FBN2: variants seen among roughly 807,000 people sequenced by gnomAD.
FBN2 encodes fibrillin 2.
Under a neutral mutation model 355.6 loss-of-function variants are expected in FBN2, and 105 were observed. That is an observed-to-expected ratio of 0.30 (90% CI 0.25 to 0.35). The LOEUF (loss-of-function observed/expected upper bound fraction) is 0.35. Ranked by LOEUF, FBN2 falls within the 10% of genes least tolerant of loss-of-function variation. The pLI, the probability that FBN2 is intolerant of heterozygous loss-of-function variation, is 1.00. For missense variants in FBN2, 3,280 were observed against 3,758.7 expected (o/e 0.87, Z 3.33); for synonymous variants, 1,350 against 1,301.2 (o/e 1.04, Z -0.81).
At chr5:128,442,287 G>T in intron 7 of FBN2, 1 of 456,024 alleles carries the variant, frequency 2.2e-6, no homozygotes, top group South Asian at 1.6e-5. Context: ...AGAATAACTA[G>T]CTCAAGGAAT....
intron 25 of FBN2, among the ~76,000 whole-genome samples, chr5:128,340,809 C>G (rs968429005): frequency 6.6e-6 from 1 of 150,642 alleles, no homozygotes; most frequent in African/African-American, 2.4e-5. Context: ...CTCTCTTTCT[C>G]TCTCTCTCCC....
At chr5:128,467,677 T>C (rs1387121896) in intron 5 of FBN2, among the ~76,000 whole-genome samples, 2 of 152,166 alleles carry the variant, frequency 1.3e-5, no homozygotes, top group Admixed American at 6.5e-5. Context: ...TTGCAGTGTG[T>C]TAACTAAGTG....
intron 24 of FBN2, among the ~76,000 whole-genome samples, 167 bp from the exon 25 acceptor site, chr5:128,344,677 T>C (rs1751120757): frequency 6.6e-6 from 1 of 151,814 alleles, no homozygotes; most frequent in Admixed American, 6.6e-5. Context: ...GAAGTTTCAA[T>C]ATGGTGAAAA....
At chr5:128,311,101 A>G (rs920160684) in intron 39 of FBN2, among the ~76,000 whole-genome samples, 199 bp downstream of exon 39, 3 of 152,118 alleles carry the variant, frequency 2.0e-5, no homozygotes, top group African/African-American at 4.8e-5. Context: ...GGAAAAATAC[A>G]GTGAATTATG....
In FBN2 at chr5:128,303,143, C is replaced by T. The variant is rs923846520; in HGVS notation, c.5801-54G>A. On this transcript the variant is annotated intron_variant, in intron 45 of 64. Transcript: ENST00000262464. The stretch of plus-strand genomic sequence containing the variant: ...CAATTTTTAACTAGAAAAAAATGGG[C>T]TATTAACCGTTTTATATGTTTAACT... 6 of 1,021,552 alleles carry T rather than the reference C, an allele frequency of 5.9e-6. No homozygotes were observed. The African/African-American group carries it at 7.9e-5, about 13-fold the overall frequency. 63.3% of individuals were successfully genotyped at this position (1,021,552 alleles called of 1,614,324 possible).
chr5:128,445,625 C>T (rs984247902), intron 7 of FBN2, among the ~76,000 whole-genome samples: 1 of 152,026 alleles, frequency 6.6e-6, no homozygotes, highest in African/African-American at 2.4e-5. Flanking sequence ...ATGCTTATGT[C>T]ACAAAAAATG....
chr5:128,534,201 A>G (rs1243243028), intron 2 of FBN2, among the ~76,000 whole-genome samples: 1 of 152,100 alleles, frequency 6.6e-6, no homozygotes, highest in African/African-American at 2.4e-5. Flanking sequence ...GGTCTCAGAT[A>G]CTTTCTTTTG....
chr5:128,330,495 T>G (rs1162468001), intron 33 of FBN2, 78 bp downstream of exon 33: 2 of 1,503,454 alleles, frequency 1.3e-6, no homozygotes, highest in South Asian at 2.3e-5. Context: ...CCTTTAATTA[T>G]AATTTTCTTC....
At chr5:128,498,888 C>G (rs149984313) in intron 5 of FBN2, among the ~76,000 whole-genome samples, 26 of 152,266 alleles carry the variant, frequency 1.7e-4, no homozygotes, top group African/African-American at 2.4e-4. Context: ...TAATTTCCTT[C>G]AAACGAGTAG....
At chr5:128,373,808 C>T (rs1015572531) in intron 15 of FBN2, among the ~76,000 whole-genome samples, 2 of 152,094 alleles carry the variant, frequency 1.3e-5, no homozygotes, top group Non-Finnish European at 2.9e-5. Flanking sequence ...GATTGATTTT[C>T]ATGGGATCAA....
At chr5:128,354,641 G>A (rs969728239) in intron 20 of FBN2, among the ~76,000 whole-genome samples, 6 of 152,148 alleles carry the variant, frequency 3.9e-5, no homozygotes, top group African/African-American at 1.4e-4. Context: ...TTGAAATATG[G>A]ATAAACTTCA....
At chr5:128,292,453 A>C (rs116000457) in intron 48 of FBN2, among the ~76,000 whole-genome samples, 3 of 152,258 alleles carry the variant, frequency 2.0e-5, no homozygotes, top group Non-Finnish European at 2.9e-5. Flanking sequence ...AGGACATGAC[A>C]TGTCTGTCTG....
At chr5:128,434,583 G>T (rs1361576125) in intron 7 of FBN2, among the ~76,000 whole-genome samples, 5 of 150,678 alleles carry the variant, frequency 3.3e-5, no homozygotes, top group Admixed American at 3.3e-4. Flanking sequence ...ATGGAGAAAG[G>T]TTCCCTCTCT....
Position 128,372,104 on chromosome 5 carries a change from T to A in FBN2, c.2095+2524A>T, listed in dbSNP as rs1489117833. Among the ~76,000 whole-genome samples the A allele has an allele frequency of 1.3e-5, 2 of 152,240 alleles. 1 individual carries two copies. The highest frequency in any genetic ancestry group is 2.9e-5 in the Non-Finnish European group (2 of 68,046). On this transcript the variant is annotated intron_variant, in intron 15 of 64. Coordinates refer to ENST00000262464, the MANE Select transcript of FBN2 (RefSeq NM_001999.4). ...GTGCTAGACACCATTCAAAGCTTTA[T>A]TTAATTCTCAAAACAACAAAAGAGG...
At chr5:128,421,598 C>T (rs1008341995) in intron 7 of FBN2, among the ~76,000 whole-genome samples, 1 of 151,906 alleles carries the variant, frequency 6.6e-6, no homozygotes, top group African/African-American at 2.4e-5. Flanking sequence ...TGGGTATAGA[C>T]AGTTGAAACC....
chr5:128,444,636 C>A (rs1754019427), intron 7 of FBN2, among the ~76,000 whole-genome samples: 1 of 152,186 alleles, frequency 6.6e-6, no homozygotes, highest in Admixed American at 6.5e-5. Context: ...GGATTCAGGG[C>A]TTTGGGTGGT....
chr5:128,322,659 C>T (rs1750414452), intron 34 of FBN2, among the ~76,000 whole-genome samples: 2 of 152,092 alleles, frequency 1.3e-5, no homozygotes, highest in South Asian at 4.1e-4. Context: ...TGTTTTGGTA[C>T]CAGTACCATG....
chr5:128,273,802 T>G, intron 61 of FBN2, 38 bp downstream of exon 61: 1 of 1,596,828 alleles, frequency 6.3e-7, no homozygotes, highest in Non-Finnish European at 8.6e-7. Flanking sequence ...TATGGTTTAC[T>G]GTTATTAGAT....
chr5:128,330,781 A>G, intron 32 of FBN2, 86 bp from the exon 33 acceptor site: 1 of 1,427,654 alleles, frequency 7.0e-7, no homozygotes, highest in South Asian at 1.2e-5. Context: ...ATTTACATAT[A>G]AACTGGATAA....
Sources: gnomAD v4.1 joint callset for allele counts (sites outside exome capture counted in the v4.1 genomes callset) on GRCh38, gnomAD v4.1.1 for gene constraint, MANE v1.5 for transcripts, NCBI Gene and HGNC (gene_info 2026-07-23, HGNC 2026-07-21) for gene names.